Variants in GPR39 observed in about 807,000 individuals in gnomAD.
GPR39 encodes G protein-coupled receptor 39.
GPR39 carries 23 observed loss-of-function variants against 18.4 expected under a neutral mutation model. The ratio of observed to expected loss-of-function variants is 1.25; its 90% confidence interval spans 0.90 to 1.77. GPR39 has a LOEUF of 1.77. Ranked by LOEUF, GPR39 falls within the 40% of genes most tolerant of loss-of-function variation. The pLI is 0.00. For missense variants in GPR39, 647 were observed against 602.4 expected, an observed-to-expected ratio of 1.07 and a Z score of -0.78; for synonymous variants, 280 against 257.9, an observed-to-expected ratio of 1.09 and a Z score of -0.82.
intron 1 of GPR39, among the ~76,000 whole-genome samples, chr2:132,597,539 G>A (rs1267292508): frequency 2.6e-5 from 4 of 152,136 alleles, no homozygotes; most frequent in Admixed American, 1.3e-4. Flanking sequence ...AAAATTTCTA[G>A]CACTTGTCAA....
chr2:132,585,587 C>T (rs932522249), intron 1 of GPR39, among the ~76,000 whole-genome samples: 2 of 152,220 alleles, frequency 1.3e-5, no homozygotes, highest in South Asian at 2.1e-4. Context: ...GAACCGCCGG[C>T]GCGGCTCCAC....
chr2:132,564,729 T>C (rs959973352), intron 1 of GPR39, among the ~76,000 whole-genome samples: 17 of 152,068 alleles, frequency 1.1e-4, no homozygotes, highest in African/African-American at 4.1e-4. Flanking sequence ...AAATTTCTGG[T>C]TTATTGATGA....
intron 1 of GPR39, among the ~76,000 whole-genome samples, chr2:132,468,097 G>T (rs1057012062): frequency 2.0e-5 from 3 of 152,160 alleles, no homozygotes; most frequent in Non-Finnish European, 4.4e-5. Context: ...TACTTGGCAT[G>T]ATGGGAAATT....
rs188533054 is a variant in GPR39 at position 132,479,209 on chromosome 2, A to G, written c.856+61311A>G. The stretch of plus-strand genomic sequence containing the variant: ...CACTGCGGAGGATAGACGATTGAAC[A>G]GGACTTAGTCTATGGCCTTAAGGAA... On this transcript the variant is annotated intron_variant, in intron 1 of 1. Transcript: ENST00000329321. 7.2e-5 allele frequency among the ~76,000 whole-genome samples: 11 copies of G among 152,358 alleles called. No homozygotes were observed. The South Asian group carries it at 1.9e-3, about 26-fold the overall frequency.
intron 1 of GPR39, among the ~76,000 whole-genome samples, chr2:132,507,283 G>T (rs1355921364): frequency 1.3e-5 from 2 of 152,006 alleles, no homozygotes; most frequent in Non-Finnish European, 2.9e-5. Flanking sequence ...TAAAAAGGTG[G>T]GGCAAACTAT....
At chr2:132,550,226 A>G (rs56994242) in intron 1 of GPR39, among the ~76,000 whole-genome samples, 50,360 of 152,048 alleles carry the variant, frequency 0.33, 8,675 homozygotes, top group African/African-American at 0.42. Context: ...AAGGACAGAA[A>G]CACAAAAAGA....
chr2:132,474,493 G>C (rs1681090220), intron 1 of GPR39, among the ~76,000 whole-genome samples: 1 of 152,206 alleles, frequency 6.6e-6, no homozygotes, highest in Non-Finnish European at 1.5e-5. Flanking sequence ...GAAACTGGGT[G>C]AGGGGACTGT....
intron 1 of GPR39, among the ~76,000 whole-genome samples, chr2:132,616,493 G>A (rs1681337280): frequency 6.6e-6 from 1 of 152,162 alleles, no homozygotes; most frequent in Non-Finnish European, 1.5e-5. Context: ...AATGCAGAGT[G>A]GAGATTCTAG....
chr2:132,632,403 C>A (rs1681666452), intron 1 of GPR39, among the ~76,000 whole-genome samples: 1 of 152,196 alleles, frequency 6.6e-6, no homozygotes, highest in South Asian at 2.1e-4. Context: ...ACATTGTGTT[C>A]TTCACCATGA....
intron 1 of GPR39, among the ~76,000 whole-genome samples, chr2:132,568,516 G>A (rs1680389704): frequency 6.6e-6 from 1 of 152,050 alleles, no homozygotes; most frequent in Admixed American, 6.6e-5. Flanking sequence ...AACCAGCCTA[G>A]CCAACAGGGC....
chr2:132,642,126 C>T (rs1436284157), intron 1 of GPR39, among the ~76,000 whole-genome samples: 1 of 152,194 alleles, frequency 6.6e-6, no homozygotes, highest in African/African-American at 2.4e-5. Flanking sequence ...AGGAAAAACT[C>T]AGTAATAAAT....
intron 1 of GPR39, among the ~76,000 whole-genome samples, chr2:132,434,423 A>G (rs1315541574): frequency 6.6e-6 from 1 of 152,204 alleles, no homozygotes; most frequent in Non-Finnish European, 1.5e-5. Context: ...CCTTGAAGTC[A>G]GGAGGTACCT....
intron 1 of GPR39, among the ~76,000 whole-genome samples, chr2:132,508,961 G>C (rs1679184801): frequency 6.6e-6 from 1 of 152,166 alleles, no homozygotes; most frequent in Non-Finnish European, 1.5e-5. Flanking sequence ...CAAGCTCTTT[G>C]GTCTCCCAGA....
intron 1 of GPR39, among the ~76,000 whole-genome samples, chr2:132,419,071 T>C (rs1679962215): frequency 1.3e-5 from 2 of 152,262 alleles, no homozygotes; most frequent in African/African-American, 4.8e-5. Flanking sequence ...GTGTCATTAA[T>C]TGTTAAAAGC....
chr2:132,533,633 G>T (rs1273584158), intron 1 of GPR39, among the ~76,000 whole-genome samples: 2 of 152,080 alleles, frequency 1.3e-5, no homozygotes, highest in African/African-American at 4.8e-5. Context: ...GCATGGTACT[G>T]GTACCACAAC....
intron 1 of GPR39, among the ~76,000 whole-genome samples, chr2:132,469,742 C>G (rs1422287144): frequency 6.6e-6 from 1 of 152,194 alleles, no homozygotes; most frequent in Non-Finnish European, 1.5e-5. Flanking sequence ...CCAGAGGGCC[C>G]ATTACTGTTA....
intron 1 of GPR39, among the ~76,000 whole-genome samples, chr2:132,440,687 G>A (rs1005136069): frequency 2.6e-5 from 4 of 152,100 alleles, no homozygotes; most frequent in African/African-American, 4.8e-5. Context: ...AACTCATGGC[G>A]TGCTCAGCCA....
intron 1 of GPR39, among the ~76,000 whole-genome samples, chr2:132,569,423 A>G (rs915133497): frequency 4.6e-5 from 7 of 152,096 alleles, no homozygotes; most frequent in African/African-American, 1.5e-4. Context: ...GGAGCCCACA[A>G]AACCCCTGCT....
intron 1 of GPR39, among the ~76,000 whole-genome samples, chr2:132,561,577 T>TGTAC (rs1680253609): frequency 6.8e-6 from 1 of 147,872 alleles, no homozygotes. Context: ...AATATGAGTG[T>TGTAC]ACACACACAC....
Sources: allele counts gnomAD v4.1 joint callset (sites outside exome capture counted in the v4.1 genomes callset), GRCh38; gene constraint gnomAD v4.1.1; transcripts MANE v1.5; gene names NCBI Gene and HGNC (gene_info 2026-07-23, HGNC 2026-07-21).